Variants in STIP1 observed in about 807,000 individuals in gnomAD.
STIP1 encodes stress-induced-phosphoprotein 1.
STIP1 carries 16 observed loss-of-function variants against 77.4 expected under a neutral mutation model. The ratio of observed to expected loss-of-function variants is 0.21; its 90% CI spans 0.14 to 0.31. The LOEUF (loss-of-function observed/expected upper bound fraction) is 0.31. STIP1 is among the 10% of genes least tolerant of loss of function. The probability of loss-of-function intolerance (pLI) is 1.00; values close to 1 mark genes in which losing one functional copy is unlikely to be tolerated. For missense variants in STIP1, 524 were observed against 684.8 expected (o/e 0.77, Z 2.62); for synonymous variants, 258 against 246.6 (o/e 1.05, Z -0.44).
At chr11:64,196,382 C>T (rs1001415777) in intron 5 of STIP1, among the ~76,000 whole-genome samples, 3 of 127,598 alleles carry the variant, frequency 2.4e-5, no homozygotes, top group Non-Finnish European at 3.2e-5. Flanking sequence ...GGTGACAGAG[C>T]GAGACTCCAT....
At chr11:64,195,216 C>T (rs754303045) in intron 4 of STIP1, among the ~76,000 whole-genome samples, 7 of 152,056 alleles carry the variant, frequency 4.6e-5, no homozygotes, top group Non-Finnish European at 1.0e-4. Flanking sequence ...TGGGTTCAAG[C>T]GATTCTCCTG....
At chr11:64,199,285 AAG>A in intron 8 of STIP1, among the ~76,000 whole-genome samples, 1 of 151,632 alleles carries the variant, frequency 6.6e-6, no homozygotes, top group South Asian at 2.1e-4. Context: ...TGGGCGGATC[AAG>A]AGGTCAGGAG....
At chr11:64,191,981 C>G (rs988627490) in intron 1 of STIP1, among the ~76,000 whole-genome samples, 1 of 152,004 alleles carries the variant, frequency 6.6e-6, no homozygotes, top group African/African-American at 2.4e-5. Flanking sequence ...ACTTCCCAGT[C>G]GGTGGGGCGG....
At chr11:64,192,008 C>A (rs1946098301) in intron 1 of STIP1, among the ~76,000 whole-genome samples, 1 of 152,042 alleles carries the variant, frequency 6.6e-6, no homozygotes, top group Admixed American at 6.5e-5. Context: ...AGAGCTGCCT[C>A]ACTTTTTAAA....
intron 8 of STIP1, 34 bp from the exon 9 acceptor site, chr11:64,199,906 T>G: frequency 6.2e-7 from 1 of 1,612,006 alleles, no homozygotes; most frequent in Non-Finnish European, 8.5e-7. Context: ...ATTATGAGCG[T>G]TTAAATTATT....
chr11:64,187,681 G>A (rs1312502332), intron 1 of STIP1, among the ~76,000 whole-genome samples: 1 of 152,178 alleles, frequency 6.6e-6, no homozygotes. Context: ...AAGATTTCTG[G>A]AATAAGACGT....
chr11:64,194,866 G>A (rs1591009025), intron 4 of STIP1, among the ~76,000 whole-genome samples: 1 of 152,098 alleles, frequency 6.6e-6, no homozygotes, highest in Non-Finnish European at 1.5e-5. Flanking sequence ...CTAGAACTCT[G>A]ATCTAGCGTC....
intron 8 of STIP1, among the ~76,000 whole-genome samples, chr11:64,198,208 A>G (rs1946172432): frequency 6.6e-6 from 1 of 151,598 alleles, no homozygotes; most frequent in Admixed American, 6.6e-5. Flanking sequence ...GGCACGTGCC[A>G]CCACGTCCAG....
At chr11:64,186,301 A>C in intron 1 of STIP1, 31 bp downstream of exon 1, 7 of 1,099,934 alleles carry the variant, frequency 6.4e-6, no homozygotes, top group Non-Finnish European at 8.2e-6. Flanking sequence ...TGAGGCCCCG[A>C]GCCTGCTCGG....
At chr11:64,200,116 A>G in intron 9 of STIP1, 53 bp from the exon 10 acceptor site, 2 of 1,612,008 alleles carry the variant, frequency 1.2e-6, no homozygotes, top group Non-Finnish European at 1.7e-6. Context: ...ATGGCCGGCT[A>G]CACATGGGGG....
At position 64,197,275 on chromosome 11, in the gene STIP1, T is replaced by A. The variant is rs147689896; in HGVS notation, c.677T>A (p.Leu226Gln). 13 of 1,614,048 alleles carry A rather than the reference T, an allele frequency of 8.1e-6. No homozygotes were observed. In the East Asian group the frequency reaches 2.9e-4, roughly 36 times the overall value. ...EDLPENKKQA[L>Q]KEKELGNDAY... ...TCACTTCTAAACCTCATCTAGGCAC[T>A]GAAAGAAAAAGAGCTGGGGAACGAT... The change falls in exon 6 of 14, where the codon CTG (leucine) becomes CAG (glutamine). Residue 226 changes from leucine to glutamine, a missense_variant. Transcript: ENST00000305218.
intron 2 of STIP1, 140 bp downstream of exon 2, chr11:64,193,427 A>C: frequency 1.4e-6 from 1 of 731,676 alleles, no homozygotes. Context: ...CAGAAATGGC[A>C]TTTTTCATCA....
At chr11:64,202,624 G>A (rs1181158393) in intron 10 of STIP1, 4 of 542,120 alleles carry the variant, frequency 7.4e-6, no homozygotes, top group Non-Finnish European at 1.3e-5. Flanking sequence ...TTGTCTAGTT[G>A]TCATGTACTC....
chr11:64,200,550 T>C (rs1481767100), intron 10 of STIP1, among the ~76,000 whole-genome samples: 2 of 151,754 alleles, frequency 1.3e-5, no homozygotes, highest in Admixed American at 1.3e-4. Context: ...TGTGTATGTG[T>C]GTGTGCGTGT....
At position 64,204,155 on chromosome 11, in the gene STIP1, C is replaced by A; in HGVS notation, c.*29C>A. ...CTTGTTCATCCCCCCTTCCCTTCGC[C>A]CTCATGTGGAAAGAGGAGCTGGGAC... On this transcript the variant is annotated 3_prime_UTR_variant, in exon 14 of 14. Transcript: ENST00000305218. 1 of 1,613,488 alleles carries A rather than the reference C, an allele frequency of 6.2e-7. No individual in the cohort carries two copies. The highest frequency in any genetic ancestry group is 8.5e-7 in the Non-Finnish European group (1 of 1,179,640).
At chr11:64,185,315 G>A (rs947929004), upstream of STIP1, 2 of 163,514 alleles carry the variant, frequency 1.2e-5, no homozygotes, top group African/African-American at 4.8e-5. Context: ...GGCGCGCTGA[G>A]AAAGGGTGTG....
At chr11:64,192,976 C>T (rs1946109304) in intron 1 of STIP1, 102 bp from the exon 2 acceptor site, 9 of 1,091,118 alleles carry the variant, frequency 8.2e-6, no homozygotes, top group Non-Finnish European at 1.2e-5. Flanking sequence ...GTAAAGTCAC[C>T]TATTTATTTG....
intron 2 of STIP1, 83 bp downstream of exon 2, chr11:64,193,370 GAT>G (rs1347925611): frequency 1.6e-6 from 2 of 1,248,412 alleles, no homozygotes; most frequent in African/African-American, 1.5e-5. Context: ...TACCTGTCCT[GAT>G]ACACTGATAG....
At chr11:64,189,432 C>T (rs757267446) in intron 1 of STIP1, among the ~76,000 whole-genome samples, 128 of 152,040 alleles carry the variant, frequency 8.4e-4, no homozygotes, top group Non-Finnish European at 1.5e-3. Flanking sequence ...GAGGCTGAGG[C>T]AGGACAATTG....
Sources: allele counts gnomAD v4.1 joint callset (sites outside exome capture counted in the v4.1 genomes callset), GRCh38; gene constraint gnomAD v4.1.1; transcripts MANE v1.5; gene names NCBI Gene and HGNC (gene_info 2026-07-23, HGNC 2026-07-21).